GREB1: variants seen among roughly 807,000 people sequenced by gnomAD.
The protein encoded by GREB1 is protein GREB1.
A neutral mutation model predicts 200.7 loss-of-function variants in GREB1; 106 were observed. That is an observed-to-expected ratio of 0.53 (90% CI 0.45 to 0.62). The LOEUF (loss-of-function observed/expected upper bound fraction) is 0.62, where lower values mean the gene tolerates loss of function less well. Ranked by LOEUF, GREB1 falls within the 20% of genes least tolerant of loss-of-function variation. GREB1 has a pLI of 0.00. For synonymous variants in GREB1, 1,132 were observed against 1,092.4 expected (o/e 1.04, Z -0.72); for missense variants, 2,243 against 2,556.8 (o/e 0.88, Z 2.65).
intron 2 of GREB1, 63 bp downstream of exon 2, chr2:11,556,834 C>T (rs1420009212): frequency 6.4e-6 from 8 of 1,258,782 alleles, no homozygotes; most frequent in Non-Finnish European, 8.7e-6. Flanking sequence ...AATGTTAGCA[C>T]CAGAACTTGA....
At chr2:11,608,604 G>C (rs372293024) in intron 17 of GREB1, among the ~76,000 whole-genome samples, 3 of 152,206 alleles carry the variant, frequency 2.0e-5, no homozygotes, top group Non-Finnish European at 2.9e-5. Context: ...GTCAGGACCA[G>C]AGCAGTATTT....
In GREB1 at chr2:11,635,511, G is replaced by T; in HGVS notation, c.5346+106G>T. ...GAGGGAGGCCATGTCTCTTTCAAGC[G>T]CATGGGGCAGGGCCCTACTGGGTGG... is the stretch of plus-strand genomic sequence containing the variant. On this transcript the variant is annotated intron_variant, in intron 30 of 32. Coordinates refer to ENST00000381486, the MANE Select transcript of GREB1 (RefSeq NM_014668.4). 8.3e-6 allele frequency: 11 copies of T among 1,321,154 alleles called. No individual in the cohort carries two copies. In the South Asian group the frequency reaches 1.6e-4, roughly 19 times the overall value. 81.8% of individuals were successfully genotyped at this position (1,321,154 alleles called of 1,614,324 possible).
chr2:11,532,734 G>A (rs537286729), upstream of GREB1, among the ~76,000 whole-genome samples: 1 of 152,292 alleles, frequency 6.6e-6, no homozygotes, highest in South Asian at 2.1e-4. Context: ...AGCGATGTGT[G>A]TGCTTGTCCC....
At chr2:11,617,930 T>G (rs1035157667) in intron 21 of GREB1, among the ~76,000 whole-genome samples, 3 of 152,086 alleles carry the variant, frequency 2.0e-5, no homozygotes, top group Middle Eastern at 6.3e-3. Flanking sequence ...ATGCCCCCGA[T>G]GGAGTCAGCA....
At chr2:11,588,152 T>C in intron 9 of GREB1, 1 of 467,276 alleles carries the variant, frequency 2.1e-6, no homozygotes, top group Non-Finnish European at 2.8e-6. Context: ...TCACTTGAAC[T>C]TGGGAGGCAG....
chr2:11,642,538 T>C lies in GREB1; in HGVS notation c.*2084T>C, dbSNP rs1486804042. ...GATGCCGAAGAGTTGATGTCAATCTTTTTTTCCTAAGAAAAAAAGTCCGCG... is the reference window on the plus strand; with the variant it reads ...GATGCCGAAGAGTTGATGTCAATCTCTTTTTCCTAAGAAAAAAAGTCCGCG... On this transcript the variant is annotated 3_prime_UTR_variant, in exon 33 of 33. Coordinates refer to ENST00000381486, the MANE Select transcript of GREB1 (RefSeq NM_014668.4). 1 of 152,198 alleles carries C rather than the reference T, an allele frequency of 6.6e-6. No homozygotes were observed. The highest frequency in any genetic ancestry group is 1.5e-5 in the Non-Finnish European group (1 of 68,020). 9.4% of individuals were successfully genotyped at this position (152,198 alleles called of 1,614,324 possible).
intron 1 of GREB1, among the ~76,000 whole-genome samples, chr2:11,490,342 G>A (rs74362693): frequency 0.02 from 2,992 of 152,190 alleles, 98 homozygotes; most frequent in African/African-American, 0.062. Flanking sequence ...TCTTTTACTC[G>A]GCATGTGTTT....
chr2:11,585,180 G>C lies in GREB1; in HGVS notation c.921G>C (p.Gly307=). 1.3e-6 allele frequency: 2 copies of C among 1,575,358 alleles called. No individual in the cohort carries two copies. The highest frequency in any genetic ancestry group is 1.7e-6 in the Non-Finnish European group (2 of 1,163,958). The part of the protein sequence containing the change: ...PSALGILSNS[G]PPKKRHKGWS... ...GTCTAGGTATCTTGTCAAACTCCGG[G>C]CCCCCCAAAAAACGCCACAAAGGGT... The change falls in exon 8 of 33, where the codon GGG becomes GGC. Residue 307 remains glycine (G), a synonymous_variant. Coordinates refer to ENST00000381486, the MANE Select transcript of GREB1 (RefSeq NM_014668.4).
chr2:11,620,910 G>C lies in GREB1; in HGVS notation c.4050G>C (p.Gly1350=). 1 of 1,604,268 alleles carries C rather than the reference G, an allele frequency of 6.2e-7. No individual in the cohort carries two copies. The highest frequency in any genetic ancestry group is 1.1e-5 in the South Asian group (1 of 90,872). Residue 1350 remains glycine (G), a synonymous_variant, in exon 23 of 33, where the codon GGG becomes GGC. Transcript: ENST00000381486. The part of the protein sequence containing the change: ...RLLLSGPPQI[G]KTGAYLQFLS... The stretch of plus-strand genomic sequence containing the variant: ...TAACTCCTATACCTTTACAGATCGG[G>C]AAGACAGGTGCCTACCTGCAGTTCC...
Position 11,640,643 on chromosome 2 carries a change from G to A in GREB1, c.*189G>A. 4.9e-6 allele frequency: 3 copies of A among 607,232 alleles called. No individual in the cohort carries two copies. The South Asian group carries it at 6.8e-5, about 14-fold the overall frequency. 37.6% of individuals were successfully genotyped at this position (607,232 alleles called of 1,614,324 possible). ...TGGGAGCCAGGAAGACTCCGCAGTG[G>A]GTGAGAATGAAAACTTGAGACTCCC... On this transcript the variant is annotated 3_prime_UTR_variant, in exon 33 of 33. Coordinates refer to ENST00000381486, the MANE Select transcript of GREB1 (RefSeq NM_014668.4). The surrounding 1 kb of genome is among the most constrained non-coding windows in gnomAD (Gnocchi z 4.6).
intron 1 of GREB1, among the ~76,000 whole-genome samples, chr2:11,538,755 CCTTT>C (rs1262826605): frequency 0.01 from 652 of 62,140 alleles, 66 homozygotes; most frequent in African/African-American, 0.031. Context: ...TTCTTTCCTT[CCTTT>C]CTTCCTTCCT....
rs141419527 is a variant in GREB1, at chr2:11,517,178, C to T, written c.-159+34797C>T. 5.3e-5 allele frequency among the ~76,000 whole-genome samples: 8 copies of T among 152,322 alleles called. No individual in the cohort carries two copies. The East Asian group carries it at 1.6e-3, about 30-fold the overall frequency. On this transcript the variant is annotated intron_variant, in intron 1 of 2. Transcript: ENST00000628795. Reference sequence around the variant, plus strand: ...CCTCCAAGGCCAGGCTGGCCCTCTTCCCTGCTGCCCCCGGCCTCCCTGCCC... The same window carrying T: ...CCTCCAAGGCCAGGCTGGCCCTCTTTCCTGCTGCCCCCGGCCTCCCTGCCC...
At chr2:11,545,744 G>A (rs1675211275) in intron 1 of GREB1, among the ~76,000 whole-genome samples, 1 of 152,122 alleles carries the variant, frequency 6.6e-6, no homozygotes, top group African/African-American at 2.4e-5. Flanking sequence ...TGAGAACCAC[G>A]TTACCTAAGT....
intron 1 of GREB1, among the ~76,000 whole-genome samples, chr2:11,541,451 G>A (rs980015756): frequency 6.6e-6 from 1 of 151,890 alleles, no homozygotes; most frequent in African/African-American, 2.4e-5. Flanking sequence ...GTGAGAGGGG[G>A]GCCATGGGGA....
At chr2:11,519,518 C>T (rs557731565) in intron 1 of GREB1, among the ~76,000 whole-genome samples, 7 of 136,192 alleles carry the variant, frequency 5.1e-5, no homozygotes, top group South Asian at 2.4e-4. Context: ...CGCAATGGCA[C>T]GATCTCGGCT....
chr2:11,486,347 G>A (rs1002722605), intron 1 of GREB1, among the ~76,000 whole-genome samples: 8 of 152,004 alleles, frequency 5.3e-5, no homozygotes, highest in African/African-American at 1.9e-4. Flanking sequence ...GTAGAGATGA[G>A]GTCTCACTAT....
intron 18 of GREB1, 123 bp from the exon 19 acceptor site, chr2:11,612,372 T>G (rs1336069126): frequency 7.0e-7 from 1 of 1,422,804 alleles, no homozygotes; most frequent in African/African-American, 1.4e-5. Flanking sequence ...AGAAATTTCC[T>G]TTTGGTCAGA....
chr2:11,530,787 A>G (rs1674046388), upstream of GREB1, among the ~76,000 whole-genome samples: 1 of 152,164 alleles, frequency 6.6e-6, no homozygotes, highest in Non-Finnish European at 1.5e-5. Context: ...TGCAACATAC[A>G]TACCAATATT....
At chr2:11,549,396 G>T (rs1189112486) in intron 1 of GREB1, among the ~76,000 whole-genome samples, 1 of 152,192 alleles carries the variant, frequency 6.6e-6, no homozygotes, top group African/African-American at 2.4e-5. Context: ...CGAAAAAAAA[G>T]AGAATGGTTA....
Sources: gnomAD v4.1 joint callset for allele counts (sites outside exome capture counted in the v4.1 genomes callset) on GRCh38, gnomAD v4.1.1 for gene constraint, Gnocchi (gnomAD v3.1) non-coding constraint, MANE v1.5 for transcripts, NCBI Gene and HGNC (gene_info 2026-07-23, HGNC 2026-07-21) for gene names.